Variants in CHD7 observed in about 807,000 individuals in gnomAD.
CHD7 encodes the protein chromodomain helicase DNA binding protein 7, also known as ATP-dependent chromatin remodeler CHD7.
In CHD7, 24 loss-of-function variants were observed where a neutral mutation model predicts 307.3. That is an observed-to-expected ratio of 0.08 (90% CI 0.06 to 0.11). The LOEUF is 0.11. CHD7 is among the 10% of genes least tolerant of loss of function. The pLI is 1.00. For missense variants in CHD7, 3,106 were observed against 3,727.1 expected (o/e 0.83, Z 4.34); for synonymous variants, 1,363 against 1,349.9 (o/e 1.01, Z -0.21).
intron 2 of CHD7, among the ~76,000 whole-genome samples, chr8:60,751,982 T>C (rs193301551): frequency 1.3e-5 from 2 of 152,318 alleles, no homozygotes; most frequent in Admixed American, 1.3e-4. Flanking sequence ...ATTTTAAAGA[T>C]TGGATCAAAA....
chr8:60,761,276 G>T (rs1009080206), intron 2 of CHD7, among the ~76,000 whole-genome samples: 42 of 146,816 alleles, frequency 2.9e-4, no homozygotes, highest in African/African-American at 1.1e-3. Context: ...CTCACTCATA[G>T]GTGGGAATTG....
intron 1 of CHD7, among the ~76,000 whole-genome samples, chr8:60,737,913 G>T (rs1352184782): frequency 1.3e-5 from 2 of 152,172 alleles, no homozygotes; most frequent in African/African-American, 4.8e-5. Flanking sequence ...TTTATTCACA[G>T]ATCTCTCTCC....
intron 6 of CHD7, among the ~76,000 whole-genome samples, chr8:60,803,839 TG>T (rs1270343003): frequency 6.6e-6 from 1 of 152,238 alleles, no homozygotes; most frequent in African/African-American, 2.4e-5. Context: ...TGAGATTTTT[TG>T]TGGATTCAAT....
At chr8:60,731,656 A>G (rs1808463730) in intron 1 of CHD7, among the ~76,000 whole-genome samples, 1 of 152,240 alleles carries the variant, frequency 6.6e-6, no homozygotes, top group Admixed American at 6.5e-5. Context: ...TTTGTCAAAT[A>G]TAACTTGATT....
chr8:60,817,443 C>CTTT (rs1481101228), intron 8 of CHD7, among the ~76,000 whole-genome samples: 1 of 152,108 alleles, frequency 6.6e-6, no homozygotes, highest in Non-Finnish European at 1.5e-5. Context: ...GGTAGCAAGT[C>CTTT]TGTGTTCTTC....
At chr8:60,710,601 A>G (rs530670352) in intron 1 of CHD7, among the ~76,000 whole-genome samples, 3 of 152,192 alleles carry the variant, frequency 2.0e-5, no homozygotes, top group Non-Finnish European at 4.4e-5. Context: ...CCATACCCAA[A>G]TCCTTAATCT....
intron 11 of CHD7, 143 bp from the exon 12 acceptor site, chr8:60,822,360 A>G: frequency 5.9e-6 from 5 of 853,458 alleles, no homozygotes; most frequent in Non-Finnish European, 8.4e-6. Context: ...ATTTTGTTTG[A>G]AAATATATTT....
intron 1 of CHD7, among the ~76,000 whole-genome samples, chr8:60,716,994 A>G (rs1807641868): frequency 6.6e-6 from 1 of 151,138 alleles, no homozygotes; most frequent in South Asian, 2.1e-4. Context: ...TGATTAGCAA[A>G]TTACACATTT....
Position 60,862,568 on chromosome 8 carries a change from T to G in CHD7, c.7992T>G (p.Pro2664=). The G allele has an allele frequency of 1.3e-6, 2 of 1,575,474 alleles. No individual in the cohort carries two copies. The highest frequency in any genetic ancestry group is 1.7e-6 in the Non-Finnish European group (2 of 1,159,348). ...CCCAGATGGGTGGAGCTATGGCGCC[T>G]CCAATGAAGGATCTACCCAGGTGGC... ...NGKKMGGAMA[P]PMKDLPRWLE... The change falls in exon 37 of 38, where the codon CCT becomes CCG. Residue 2664 remains proline (P), a synonymous_variant. Transcript: ENST00000423902.
intron 1 of CHD7, among the ~76,000 whole-genome samples, chr8:60,723,977 C>G (rs1050240440): frequency 6.6e-6 from 1 of 152,240 alleles, no homozygotes; most frequent in African/African-American, 2.4e-5. Flanking sequence ...GTCCTCACCT[C>G]CGCTCTGCCA....
intron 7 of CHD7, among the ~76,000 whole-genome samples, chr8:60,812,168 C>A (rs982800185): frequency 4.7e-4 from 71 of 152,014 alleles, no homozygotes; most frequent in African/African-American, 1.6e-3. Context: ...TCAATTTTTT[C>A]TTTTATTGTT....
intron 4 of CHD7, among the ~76,000 whole-genome samples, chr8:60,797,059 A>G (rs915037145): frequency 6.6e-6 from 1 of 152,216 alleles, no homozygotes; most frequent in Admixed American, 6.5e-5. Context: ...TGTCAATTCA[A>G]AAGTTTTGAA....
chr8:60,809,585 G>A (rs550844252), intron 7 of CHD7: 12 of 144,980 alleles, frequency 8.3e-5, no homozygotes, highest in Admixed American at 6.3e-4. Flanking sequence ...GATGGGCTCC[G>A]AGTTCCTGAC....
At chr8:60,747,370 G>T (rs962594356) in intron 2 of CHD7, among the ~76,000 whole-genome samples, 1 of 152,060 alleles carries the variant, frequency 6.6e-6, no homozygotes, top group African/African-American at 2.4e-5. Context: ...GAGCCACCCT[G>T]CCTGGCTAAA....
intron 2 of CHD7, among the ~76,000 whole-genome samples, chr8:60,766,892 A>G (rs1029360978): frequency 6.6e-6 from 1 of 152,210 alleles, no homozygotes; most frequent in Non-Finnish European, 1.5e-5. Context: ...ATTGACATAT[A>G]GGTAGTATTT....
intron 2 of CHD7, 118 bp from the exon 3 acceptor site, chr8:60,780,882 A>C: frequency 7.8e-7 from 1 of 1,279,762 alleles, no homozygotes; most frequent in Non-Finnish European, 1.0e-6. Context: ...TATAGTTGGA[A>C]AAATATTTGC....
intron 32 of CHD7, chr8:60,855,082 C>T (rs1563663390): frequency 6.6e-6 from 1 of 152,146 alleles, no homozygotes. Flanking sequence ...GTCTGTTTTT[C>T]AGGGTGAGGA....
intron 1 of CHD7, among the ~76,000 whole-genome samples, chr8:60,723,697 C>T (rs1277578150): frequency 9.2e-5 from 14 of 152,186 alleles, no homozygotes; most frequent in Admixed American, 6.5e-4. Flanking sequence ...ATGGTTAGAA[C>T]GTTTTTAGAA....
chr8:60,848,611 G>A lies in CHD7; in HGVS notation c.5300+7G>A, dbSNP rs750168845. ...TAGAGGGTGCTGACTCAAGGTTAGT[G>A]CGAGCTCACATTTGTTCTCAACCTC... On this transcript the variant is annotated splice_region_variant and intron_variant, in intron 24 of 37. Coordinates refer to ENST00000423902, the MANE Select transcript of CHD7 (RefSeq NM_017780.4). 6.2e-7 allele frequency: 1 copy of A among 1,607,444 alleles called. No homozygotes were observed. Among genetic ancestry groups the A allele is most frequent in the Admixed American group, 1.7e-5 (1 of 59,764 alleles).
Sources: gnomAD v4.1 joint callset for allele counts (sites outside exome capture counted in the v4.1 genomes callset) on GRCh38, gnomAD v4.1.1 for gene constraint, MANE v1.5 for transcripts, NCBI Gene and HGNC (gene_info 2026-07-23, HGNC 2026-07-21) for gene names.